The following AKT3 variants were observed in gnomAD, a reference collection of about 807,000 sequenced individuals.
The protein encoded by AKT3 is RAC-gamma serine/threonine-protein kinase.
A neutral mutation model predicts 65.3 loss-of-function variants in AKT3; 15 were observed. The observed-to-expected ratio is 0.23, with a 90% CI of 0.15 to 0.35. The LOEUF is 0.35. Ranked by LOEUF, AKT3 falls within the 10% of genes least tolerant of loss-of-function variation. The pLI is 1.00. For synonymous variants in AKT3, 206 were observed against 183.8 expected (o/e 1.12, Z -0.98); for missense variants, 243 against 576.5 (o/e 0.42, Z 5.92).
At chr1:243,775,836 T>C (rs1306086552) in intron 2 of AKT3, among the ~76,000 whole-genome samples, 1 of 152,222 alleles carries the variant, frequency 6.6e-6, no homozygotes, top group Non-Finnish European at 1.5e-5. Context: ...ATGGTACTTC[T>C]GCTTTCCCAG....
In AKT3 at chr1:243,619,800, C is replaced by A. The variant is rs1443367377; in HGVS notation, c.562-4639G>T. Among the ~76,000 whole-genome samples the A allele has an allele frequency of 3.1e-5, 3 of 98,110 alleles. 1 individual carries two copies. The highest frequency in any genetic ancestry group is 8.5e-5 in the Non-Finnish European group (3 of 35,152). 64.4% of individuals were successfully genotyped at this position (98,110 alleles called of 152,430 possible). ...CTGTTGTGAATAGTGCTGCAATAAA[C>A]CTAAGGGTGTAGATGTCTCCCCGAT... On this transcript the variant is annotated intron_variant, in intron 6 of 13. Coordinates refer to ENST00000673466, the MANE Select transcript of AKT3 (RefSeq NM_005465.7).
intron 4 of AKT3, among the ~76,000 whole-genome samples, chr1:243,662,102 T>C (rs1363318609): frequency 6.6e-6 from 1 of 151,462 alleles, no homozygotes; most frequent in African/African-American, 2.4e-5. Context: ...TTTTACACTG[T>C]TGGTGGGACT....
intron 8 of AKT3, among the ~76,000 whole-genome samples, chr1:243,583,912 C>A (rs1675604992): frequency 1.3e-5 from 2 of 151,390 alleles, no homozygotes; most frequent in Non-Finnish European, 2.9e-5. Flanking sequence ...CTAGAGGAAC[C>A]AGGAAAACAA....
chr1:243,740,447 T>C (rs1281310960), intron 2 of AKT3, among the ~76,000 whole-genome samples: 1 of 152,188 alleles, frequency 6.6e-6, no homozygotes, highest in Non-Finnish European at 1.5e-5. Context: ...GAAAAATCCT[T>C]GGTATGCAGG....
At chr1:243,749,682 T>C (rs1213851691) in intron 2 of AKT3, among the ~76,000 whole-genome samples, 1 of 152,206 alleles carries the variant, frequency 6.6e-6, no homozygotes, top group African/African-American at 2.4e-5. Context: ...CTTCAACCTA[T>C]GAATATGCTC....
At chr1:243,534,162 A>G (rs1310516615) in intron 12 of AKT3, among the ~76,000 whole-genome samples, 1 of 152,220 alleles carries the variant, frequency 6.6e-6, no homozygotes, top group Non-Finnish European at 1.5e-5. Flanking sequence ...ATATAAAGAC[A>G]CTGATAGATT....
chr1:243,638,452 T>G (rs764759396), intron 5 of AKT3, among the ~76,000 whole-genome samples: 3 of 152,162 alleles, frequency 2.0e-5, no homozygotes, highest in Non-Finnish European at 4.4e-5. Flanking sequence ...GTCCCCTCTA[T>G]GTACTCTTTT....
At chr1:243,721,681 T>A (rs1003079002) in intron 2 of AKT3, among the ~76,000 whole-genome samples, 1 of 150,486 alleles carries the variant, frequency 6.6e-6, no homozygotes, top group Non-Finnish European at 1.5e-5. Context: ...ATTTTTTACA[T>A]AATGGAGAGA....
chr1:243,803,645 T>TACACAC (rs72379577), intron 2 of AKT3, among the ~76,000 whole-genome samples: 39 of 136,720 alleles, frequency 2.9e-4, no homozygotes, highest in Admixed American at 5.9e-4. Context: ...GACGTACATG[T>TACACAC]ACACACACAC....
chr1:243,618,538 C>G (rs1678502573), intron 6 of AKT3, among the ~76,000 whole-genome samples: 1 of 151,922 alleles, frequency 6.6e-6, no homozygotes, highest in Non-Finnish European at 1.5e-5. Flanking sequence ...TTTAAAAAAT[C>G]CATCTGTTGA....
At chr1:243,530,000 G>T (rs1005576383) in intron 12 of AKT3, among the ~76,000 whole-genome samples, 1 of 152,068 alleles carries the variant, frequency 6.6e-6, no homozygotes, top group Admixed American at 6.6e-5. Context: ...AGTTCTCATT[G>T]TAAAGATCTT....
In AKT3 at chr1:243,850,081, GGGC is replaced by G. The variant is rs1326913291; in HGVS notation, c.-157_-155del. ...GGCGGTGGCGGCCCCGCAGCTGCTC[GGGC>G]GGCGGCGGAGGATGGAGCCGGGGGG... is the stretch of plus-strand genomic sequence containing the variant. On this transcript the variant is annotated 5_prime_UTR_variant, in exon 1 of 14. Coordinates refer to ENST00000673466, the MANE Select transcript of AKT3 (RefSeq NM_005465.7). 14 of 837,732 alleles carry G rather than the reference GGGC, an allele frequency of 1.7e-5. No individual in the cohort carries two copies. Among genetic ancestry groups the G allele is most frequent in the South Asian group, 5.2e-5 (1 of 19,390 alleles). 51.9% of individuals were successfully genotyped at this position (837,732 alleles called of 1,614,324 possible). A position where few individuals can be genotyped will look rare whatever the true frequency, so the allele number is the denominator to read the frequency against.
chr1:243,662,592 A>AT (rs1339491738), intron 4 of AKT3, among the ~76,000 whole-genome samples: 2 of 150,144 alleles, frequency 1.3e-5, no homozygotes, highest in Non-Finnish European at 3.0e-5. Context: ...GCATTGGGAG[A>AT]TATATCTAAT....
At chr1:243,802,894 A>T (rs1692464186) in intron 2 of AKT3, among the ~76,000 whole-genome samples, 2 of 152,202 alleles carry the variant, frequency 1.3e-5, no homozygotes, top group African/African-American at 4.8e-5. Flanking sequence ...CATGCCCATA[A>T]TCCTGGCACT....
downstream of AKT3, among the ~76,000 whole-genome samples, chr1:243,495,291 CG>C (rs1478387065): frequency 5.9e-5 from 9 of 152,216 alleles, no homozygotes; most frequent in Admixed American, 5.9e-4. Flanking sequence ...TGCTGTCTTA[CG>C]GAACGTCCCA....
intron 3 of AKT3, among the ~76,000 whole-genome samples, chr1:243,691,091 A>T (rs1169097965): frequency 6.6e-6 from 1 of 152,198 alleles, no homozygotes; most frequent in Non-Finnish European, 1.5e-5. Flanking sequence ...CTAATTTAGC[A>T]AGGAATAGGG....
intron 3 of AKT3, among the ~76,000 whole-genome samples, chr1:243,673,969 A>C (rs1683331066): frequency 6.6e-6 from 1 of 152,220 alleles, no homozygotes; most frequent in Non-Finnish European, 1.5e-5. Context: ...ATTTGATAAC[A>C]AAATTTTTAA....
At chr1:243,557,380 C>G (rs975005071) in intron 10 of AKT3, among the ~76,000 whole-genome samples, 9 of 151,948 alleles carry the variant, frequency 5.9e-5, no homozygotes, top group Non-Finnish European at 8.8e-5. Flanking sequence ...TAGAATCACA[C>G]CGAAGTACTG....
intron 2 of AKT3, among the ~76,000 whole-genome samples, chr1:243,725,385 G>C (rs907984989): frequency 4.6e-5 from 7 of 152,140 alleles, no homozygotes; most frequent in African/African-American, 9.7e-5. Context: ...AGTGACTAGA[G>C]TGAGTGAAGT....
Sources: allele counts gnomAD v4.1 joint callset (sites outside exome capture counted in the v4.1 genomes callset), GRCh38; gene constraint gnomAD v4.1.1; transcripts MANE v1.5; gene names NCBI Gene and HGNC (gene_info 2026-07-23, HGNC 2026-07-21).